Variants in DNAH9 observed in about 807,000 individuals in gnomAD.
DNAH9 encodes the protein dynein axonemal heavy chain 9.
Under a neutral mutation model 471.6 loss-of-function variants are expected in DNAH9, and 345 were observed. That is an observed-to-expected ratio of 0.73 (90% CI 0.67 to 0.80). DNAH9 has a LOEUF of 0.80. Among genes scored for constraint, DNAH9 ranks in the 30% least tolerant of loss-of-function variants. The pLI is 0.00. For synonymous variants in DNAH9, 2,093 were observed against 2,123.6 expected, an observed-to-expected ratio of 0.99 and a Z score of 0.40; for missense variants, 5,407 against 5,609.2, an observed-to-expected ratio of 0.96 and a Z score of 1.15.
rs139358322 is a variant in DNAH9 at position 11,642,966 on chromosome 17, C to T, written c.1902-1665C>T. 6.1e-3 allele frequency among the ~76,000 whole-genome samples: 931 copies of T among 152,184 alleles called. 14 individuals are homozygous for T. Among genetic ancestry groups the T allele is most frequent in the African/African-American group, 0.021 (884 of 41,522 alleles). On this transcript the variant is annotated intron_variant, in intron 10 of 68. Coordinates refer to ENST00000262442, the MANE Select transcript of DNAH9 (RefSeq NM_001372.4). ...GGCGCTAGGGCTTCTGTGGAAAGCTCGAGGGATCTGATGAAGAAATCCTAT... is the reference window on the plus strand; with the variant it reads ...GGCGCTAGGGCTTCTGTGGAAAGCTTGAGGGATCTGATGAAGAAATCCTAT...
At chr17:11,688,106 A>AC (rs2074271517) in intron 19 of DNAH9, among the ~76,000 whole-genome samples, 1 of 148,532 alleles carries the variant, frequency 6.7e-6, no homozygotes, top group East Asian at 2.0e-4. Flanking sequence ...AAAAAGAAAA[A>AC]GCCATCTGCC....
intron 52 of DNAH9, among the ~76,000 whole-genome samples, chr17:11,873,733 G>A (rs978945319): frequency 1.3e-5 from 2 of 149,826 alleles, no homozygotes; most frequent in African/African-American, 4.9e-5. Flanking sequence ...TAGTTTCCAC[G>A]AGCTGGGGGT....
In DNAH9 at chr17:11,834,856, A is replaced by G; in HGVS notation, c.9465A>G (p.Pro3155=). Residue 3155 remains proline (P), a synonymous_variant, in exon 49 of 69, where the codon CCA becomes CCG. Transcript: ENST00000262442. Reference sequence around the variant, plus strand: ...AGGAGGACCTGGCAAAGGCTGAGCCAGCACTCACAGCAGCGCAGGCAGCTC... The same window carrying G: ...AGGAGGACCTGGCAAAGGCTGAGCCGGCACTCACAGCAGCGCAGGCAGCTC... ...DCEEDLAKAE[P]ALTAAQAALN... 1 of 1,613,870 alleles carries G rather than the reference A, an allele frequency of 6.2e-7. No homozygotes were observed. The highest frequency in any genetic ancestry group is 8.5e-7 in the Non-Finnish European group (1 of 1,179,976).
In DNAH9 at chr17:11,756,633, C is replaced by G. The variant is rs1475801388; in HGVS notation, c.6804C>G (p.Ile2268Met). 6.2e-7 allele frequency: 1 copy of G among 1,613,808 alleles called. No homozygotes were observed. The highest frequency in any genetic ancestry group is 8.5e-7 in the Non-Finnish European group (1 of 1,179,748). Residue 2268 changes from isoleucine to methionine, a missense_variant, in exon 34 of 69, where the codon ATC becomes ATG. Transcript: ENST00000262442. ...CCACCATGAAGCTCCTCTTTGAGATCAGCCACCTGCGCACAGCCACTCCAG... is the reference window on the plus strand; with the variant it reads ...CCACCATGAAGCTCCTCTTTGAGATGAGCCACCTGCGCACAGCCACTCCAG... Reference protein sequence around the residue: ...LNPTMKLLFEISHLRTATPAT... With the variant: ...LNPTMKLLFEMSHLRTATPAT...
intron 68 of DNAH9, among the ~76,000 whole-genome samples, chr17:11,967,193 A>G (rs1316237921): frequency 6.6e-6 from 1 of 151,958 alleles, no homozygotes; most frequent in African/African-American, 2.4e-5. Context: ...TGCAGCCTCA[A>G]CTTCCTGGGC....
Position 11,693,921 on chromosome 17 carries a change from T to A in DNAH9, c.4668T>A (p.Asp1556Glu). 6.2e-7 allele frequency: 1 copy of A among 1,614,156 alleles called. No individual in the cohort carries two copies. The highest frequency in any genetic ancestry group is 8.5e-7 in the Non-Finnish European group (1 of 1,180,002). ...TTGACTTTAAAGAGCTAGCTTATGA[T>A]GCCCAGAAAATTCCAAATGTAGTGC... ...IDIDFKELAY[D>E]AQKIPNVVQT... The change falls in exon 21 of 69, where the codon GAT becomes GAA. Residue 1556 changes from aspartate to glutamate, a missense_variant. Transcript: ENST00000262442.
At chr17:11,860,690 T>A (rs981598464) in intron 50 of DNAH9, among the ~76,000 whole-genome samples, 2 of 152,120 alleles carry the variant, frequency 1.3e-5, no homozygotes, top group African/African-American at 4.8e-5. Context: ...GTCTTCCGAG[T>A]AGCTGGGATT....
At chr17:11,771,519 G>C (rs1030384953) in intron 38 of DNAH9, among the ~76,000 whole-genome samples, 7 of 152,194 alleles carry the variant, frequency 4.6e-5, no homozygotes, top group Admixed American at 3.9e-4. Flanking sequence ...CACTGGCTTA[G>C]TCCTTACTCC....
intron 19 of DNAH9, among the ~76,000 whole-genome samples, chr17:11,688,379 C>T (rs1464507922): frequency 6.6e-6 from 1 of 152,116 alleles, no homozygotes; most frequent in East Asian, 1.9e-4. Flanking sequence ...AGGGCAAAGG[C>T]AGAACTGGAA....
chr17:11,751,121 A>G (rs952466511), intron 32 of DNAH9, among the ~76,000 whole-genome samples: 1 of 152,010 alleles, frequency 6.6e-6, no homozygotes, highest in South Asian at 2.1e-4. Flanking sequence ...AAAAGAAATA[A>G]ATCAACCCCT....
rs755718401 is a variant in DNAH9 at position 11,784,496 on chromosome 17, T to G, written c.8018T>G (p.Phe2673Cys). ...ACCTTCCTACCCACAGGAATCAAAT[T>G]CCACTACATCTTCAACCTCAGAGAT... ...ATTFLPTGIK[F>C]HYIFNLRDFA... Residue 2673 changes from phenylalanine (F) to cysteine (C), a missense_variant, in exon 41 of 69, where the codon TTC becomes TGC. Coordinates refer to ENST00000262442, the MANE Select transcript of DNAH9 (RefSeq NM_001372.4). The G allele has an allele frequency of 5.0e-6, 8 of 1,614,104 alleles. No homozygotes were observed. The East Asian group carries it at 1.8e-4, about 36-fold the overall frequency.
chr17:11,753,527 C>T (rs896710122), intron 33 of DNAH9, among the ~76,000 whole-genome samples: 2 of 152,080 alleles, frequency 1.3e-5, no homozygotes, highest in East Asian at 1.9e-4. Flanking sequence ...ATTAGCTAGG[C>T]GTTGTGGCAA....
chr17:11,890,078 T>G (rs1384542174), intron 57 of DNAH9, among the ~76,000 whole-genome samples: 1 of 152,206 alleles, frequency 6.6e-6, no homozygotes, highest in Non-Finnish European at 1.5e-5. Context: ...TTTTTACATG[T>G]TTTCCTGAAT....
Position 11,757,582 on chromosome 17 carries a change from C to A in DNAH9, c.6885C>A (p.Asn2295Lys). Residue 2295 changes from asparagine (N) to lysine (K), a missense_variant, in exon 35 of 69, where the codon AAC becomes AAA. Transcript: ENST00000262442. ...TCAACCCGGCAGACTTGGGATGGAACCCTCCAGTGAGCAGCTGGATTGAGA... is the reference window on the plus strand; with the variant it reads ...TCAACCCGGCAGACTTGGGATGGAAACCTCCAGTGAGCAGCTGGATTGAGA... ...LYINPADLGW[N>K]PPVSSWIEKR... is the part of the protein sequence containing the mutation. The A allele has an allele frequency of 6.2e-7, 1 of 1,613,928 alleles. No homozygotes were observed. The highest frequency in any genetic ancestry group is 1.1e-5 in the South Asian group (1 of 91,082).
chr17:11,745,001 A>G lies in DNAH9; in HGVS notation c.6316A>G (p.Arg2106Gly). 6.2e-7 allele frequency: 1 copy of G among 1,614,084 alleles called. No homozygotes were observed. Among genetic ancestry groups the G allele is most frequent in the Non-Finnish European group, 8.5e-7 (1 of 1,179,974 alleles). The change falls in exon 31 of 69, where the codon AGG (arginine) becomes GGG (glycine). Residue 2106 changes from arginine to glycine, a missense_variant. Arg to Gly is a moderately radical substitution (Grantham distance 125). Transcript: ENST00000262442. ...DLFPALDVPR[R>G]RDPNFEALVR... ...CTTTCCCGCCCTGGATGTCCCCCGG[A>G]GGAGAGACCCCAACTTCGAAGCTTT...
intron 28 of DNAH9, among the ~76,000 whole-genome samples, chr17:11,731,007 AATG>A (rs796863264): frequency 2.6e-4 from 14 of 54,474 alleles, no homozygotes; most frequent in East Asian, 1.8e-3. Context: ...TGATGGTGGT[AATG>A]ATGATGGTGG....
In DNAH9 at chr17:11,617,547, C is replaced by T. The variant is rs769093335; in HGVS notation, c.1041C>T (p.Ala347=). The change falls in exon 5 of 69, where the codon GCC becomes GCT. Residue 347 remains alanine (A), a synonymous_variant. Coordinates refer to ENST00000262442, the MANE Select transcript of DNAH9 (RefSeq NM_001372.4). The part of the protein sequence containing the change: ...PLLHVVCLIW[A]TCKSYRSPGR... The stretch of plus-strand genomic sequence containing the variant: ...TCCACGTGGTCTGTCTGATTTGGGC[C>T]ACATGCAAGTCCTACCGCTCCCCGG... The T allele has an allele frequency of 6.8e-6, 11 of 1,613,998 alleles. No homozygotes were observed. Among genetic ancestry groups the T allele is most frequent in the Non-Finnish European group, 9.3e-6 (11 of 1,180,024 alleles).
rs1319711611 is a variant in DNAH9 at position 11,719,464 on chromosome 17, A to G, written c.5683A>G (p.Asn1895Asp). 1 of 1,613,708 alleles carries G rather than the reference A, an allele frequency of 6.2e-7. No individual in the cohort carries two copies. Among genetic ancestry groups the G allele is most frequent in the Admixed American group, 1.7e-5 (1 of 59,988 alleles). ...ACTGGGCATCCTGGTCTATGTGTTC[A>G]ACTGCTCGGAGCAGATGGATTACAA... ...RALGILVYVF[N>D]CSEQMDYKSC... is the part of the protein sequence containing the mutation. Residue 1895 changes from asparagine (N) to aspartate (D), a missense_variant, in exon 27 of 69, where the codon AAC becomes GAC. Asn to Asp is a conservative substitution (Grantham distance 23, BLOSUM62 1). Coordinates refer to ENST00000262442, the MANE Select transcript of DNAH9 (RefSeq NM_001372.4).
At chr17:11,927,344 C>CT (rs1218660617) in intron 62 of DNAH9, among the ~76,000 whole-genome samples, 2 of 152,142 alleles carry the variant, frequency 1.3e-5, no homozygotes. Context: ...TGCCTATGTC[C>CT]TGACTGATAT....
Sources: allele counts gnomAD v4.1 joint callset (sites outside exome capture counted in the v4.1 genomes callset), GRCh38; gene constraint gnomAD v4.1.1; transcripts MANE v1.5; gene names NCBI Gene and HGNC (gene_info 2026-07-23, HGNC 2026-07-21).